Variants in FOXN3 observed in about 807,000 individuals in gnomAD.
FOXN3 encodes forkhead box N3, also known as forkhead box protein N3.
FOXN3 carries 7 observed loss-of-function variants against 38.4 expected under a neutral mutation model. That is an observed-to-expected ratio of 0.18 (90% CI 0.10 to 0.34). The LOEUF (loss-of-function observed/expected upper bound fraction) is 0.34, where lower values mean the gene tolerates loss of function less well. Among genes scored for constraint, FOXN3 ranks in the 10% least tolerant of loss-of-function variants. FOXN3 has a pLI of 1.00. For missense variants in FOXN3, 456 were observed against 613.4 expected (o/e 0.74, Z 2.71); for synonymous variants, 230 against 242.2 (o/e 0.95, Z 0.47).
In FOXN3 at chr14:89,157,913, T is replaced by C. The variant is rs949389737; in HGVS notation, c.*4501A>G. 3.9e-5 allele frequency: 6 copies of C among 152,694 alleles called. No individual in the cohort carries two copies. The highest frequency in any genetic ancestry group is 2.6e-4 in the Admixed American group (4 of 15,294). The allele number at this position is 152,694 out of a possible 1,614,324, so 9.5% of individuals were successfully genotyped here. On this transcript the variant is annotated 3_prime_UTR_variant, in exon 6 of 6. Transcript: ENST00000557258. ...AACACAGAGTTCCAATGTTTTCTTT[T>C]GGTGGCAAAAAAAATCCTGAAGATG...
chr14:89,255,679 A>G (rs2139885044), intron 4 of FOXN3, among the ~76,000 whole-genome samples: 1 of 152,266 alleles, frequency 6.6e-6, no homozygotes, highest in South Asian at 2.1e-4. Context: ...GGTTAAACCC[A>G]AGGCCCTTGC....
chr14:89,279,411 C>T (rs1886393605), intron 4 of FOXN3, among the ~76,000 whole-genome samples: 1 of 152,106 alleles, frequency 6.6e-6, no homozygotes, highest in African/African-American at 2.4e-5. Flanking sequence ...AAGAACTTAC[C>T]TAATGCCAAA....
intron 2 of FOXN3, among the ~76,000 whole-genome samples, chr14:89,386,149 G>A (rs1292411505): frequency 2.6e-5 from 4 of 152,150 alleles, no homozygotes; most frequent in African/African-American, 9.7e-5. Flanking sequence ...CGGGAGGGTG[G>A]GTGAAAATTT....
At chr14:89,318,180 C>T (rs1261511409) in intron 3 of FOXN3, among the ~76,000 whole-genome samples, 4 of 83,830 alleles carry the variant, frequency 4.8e-5, no homozygotes, top group Admixed American at 1.2e-4. Flanking sequence ...TTTTTTGAGG[C>T]GGAGTTTCAC....
intron 3 of FOXN3, among the ~76,000 whole-genome samples, chr14:89,346,335 C>T (rs1566962325): frequency 6.6e-6 from 1 of 152,192 alleles, no homozygotes; most frequent in Non-Finnish European, 1.5e-5. Flanking sequence ...GTTCCAGGAT[C>T]CCATCCAGGA....
At chr14:89,509,396 A>T (rs1286568922) in intron 1 of FOXN3, among the ~76,000 whole-genome samples, 1 of 152,134 alleles carries the variant, frequency 6.6e-6, no homozygotes, top group Non-Finnish European at 1.5e-5. Flanking sequence ...GTGCAGTGGC[A>T]TGATCTCAGT....
At chr14:89,401,600 T>C in intron 2 of FOXN3, 2 of 456,086 alleles carry the variant, frequency 4.4e-6, no homozygotes, top group South Asian at 3.1e-5. Flanking sequence ...ACCTTGATTC[T>C]TGGAGATTCG....
chr14:89,494,986 T>A (rs1347518791), intron 1 of FOXN3, among the ~76,000 whole-genome samples: 3 of 152,200 alleles, frequency 2.0e-5, no homozygotes, highest in South Asian at 2.1e-4. Context: ...TGAAGAAAAG[T>A]CAAACTCATT....
intron 1 of FOXN3, among the ~76,000 whole-genome samples, chr14:89,442,239 C>T (rs6575064): frequency 0.97 from 148,007 of 152,232 alleles, 72,002 homozygotes; most frequent in East Asian, 1. Context: ...ACTGGCTGAC[C>T]TTTCCAATGA....
intron 1 of FOXN3, among the ~76,000 whole-genome samples, chr14:89,480,743 G>A (rs183475304): frequency 6.6e-6 from 1 of 152,298 alleles, no homozygotes; most frequent in Non-Finnish European, 1.5e-5. Context: ...TTAAATGCAT[G>A]CTTAAAGCAG....
chr14:89,157,332 T>C lies in FOXN3; in HGVS notation c.*5082A>G, dbSNP rs1341365653. 6.6e-6 allele frequency: 1 copy of C among 152,634 alleles called. No homozygotes were observed. Among genetic ancestry groups the C allele is most frequent in the African/African-American group, 2.4e-5 (1 of 41,450 alleles). The allele number at this position is 152,634 out of a possible 1,614,324, so 9.5% of individuals were successfully genotyped here. A position where few individuals can be genotyped will look rare whatever the true frequency, so the allele number is the denominator to read the frequency against. ...AAGCTAGCACTTGTTTGCTGAACTGTGGAAGAACTGCAAGGTCACACACAT... is the reference window on the plus strand; with the variant it reads ...AAGCTAGCACTTGTTTGCTGAACTGCGGAAGAACTGCAAGGTCACACACAT... On this transcript the variant is annotated 3_prime_UTR_variant, in exon 6 of 6. Transcript: ENST00000557258.
rs143880432 is a variant in FOXN3 at position 89,575,216 on chromosome 14, G to A, written c.-15+43812C>T. ...CAACCCACGAAGGGGACCCCCAAGC[G>A]ACACTGACTCTAGAAGATCATAGTT... On this transcript the variant is annotated intron_variant, in intron 1 of 6. Transcript: ENST00000345097. Among the ~76,000 whole-genome samples the A allele has an allele frequency of 5.0e-3, 764 of 152,260 alleles. 4 individuals are homozygous for A. Among genetic ancestry groups the A allele is most frequent in the Middle Eastern group, 0.017 (5 of 294 alleles).
intron 1 of FOXN3, among the ~76,000 whole-genome samples, chr14:89,510,707 C>T (rs555411346): frequency 5.9e-5 from 9 of 152,266 alleles, no homozygotes; most frequent in Middle Eastern, 3.4e-3. Flanking sequence ...TTTGGGAGGC[C>T]GAGGCCAGCA....
At chr14:89,469,932 G>C (rs995175093) in intron 1 of FOXN3, among the ~76,000 whole-genome samples, 1 of 152,206 alleles carries the variant, frequency 6.6e-6, no homozygotes, top group African/African-American at 2.4e-5. Flanking sequence ...ACGCAGGTGC[G>C]TTTTTTTAAA....
At chr14:89,214,251 A>T (rs1165902828) in intron 4 of FOXN3, among the ~76,000 whole-genome samples, 1 of 152,204 alleles carries the variant, frequency 6.6e-6, no homozygotes, top group African/African-American at 2.4e-5. Flanking sequence ...TCTGTGAAGC[A>T]AGCTCCGTCA....
chr14:89,421,829 C>T (rs1056317824), upstream of FOXN3, among the ~76,000 whole-genome samples: 7 of 151,882 alleles, frequency 4.6e-5, no homozygotes, highest in African/African-American at 1.7e-4. Context: ...GTGCTGGGCC[C>T]CGCTATTTTT....
At chr14:89,557,910 G>A (rs1309216861) in intron 1 of FOXN3, among the ~76,000 whole-genome samples, 2 of 152,136 alleles carry the variant, frequency 1.3e-5, no homozygotes, top group Non-Finnish European at 2.9e-5. Context: ...GGAGGCTGAG[G>A]CAGGAGAATC....
intron 3 of FOXN3, among the ~76,000 whole-genome samples, chr14:89,324,056 C>T (rs1471360734): frequency 1.3e-5 from 2 of 152,136 alleles, no homozygotes; most frequent in Non-Finnish European, 2.9e-5. Flanking sequence ...ATCATATAGA[C>T]AACATCTAAG....
chr14:89,284,593 C>T (rs1198792860), intron 3 of FOXN3: 2 of 455,894 alleles, frequency 4.4e-6, no homozygotes, highest in African/African-American at 4.0e-5. Context: ...CTAGAAAAAG[C>T]AATCAGACTA....
Sources: allele counts gnomAD v4.1 joint callset (sites outside exome capture counted in the v4.1 genomes callset), GRCh38; gene constraint gnomAD v4.1.1; transcripts MANE v1.5; gene names NCBI Gene and HGNC (gene_info 2026-07-23, HGNC 2026-07-21).